The following CMTM4 variants were observed in gnomAD, a reference collection of about 807,000 sequenced individuals.
CMTM4 encodes CKLF like MARVEL transmembrane domain containing 4, also known as CKLF-like MARVEL transmembrane domain-containing protein 4.
Under a neutral mutation model 19.0 loss-of-function variants are expected in CMTM4, and 8 were observed. The observed-to-expected ratio is 0.42, with a 90% CI of 0.25 to 0.76. The LOEUF is 0.76. Among genes scored for constraint, CMTM4 ranks in the 30% least tolerant of loss-of-function variants. The pLI, the probability that CMTM4 is intolerant of heterozygous loss-of-function variation, is 0.27. For synonymous variants in CMTM4, 106 were observed against 121.1 expected (o/e 0.88, Z 0.82); for missense variants, 228 against 290.2 (o/e 0.79, Z 1.56).
chr16:66,604,667 G>A, the CMTM4 span: 3 of 607,530 alleles, frequency 4.9e-6, no homozygotes, highest in African/African-American at 1.9e-5. Flanking sequence ...GGGGCGGGGC[G>A]GGGCGTGGCG....
rs182011839 is a variant in CMTM4 at position 66,633,369 on chromosome 16, G to A, written c.363+3036C>T. Among the ~76,000 whole-genome samples, 578 of 151,964 alleles carry A rather than the reference G, an allele frequency of 3.8e-3. 3 individuals carry two copies. The highest frequency in any genetic ancestry group is 5.7e-3 in the Non-Finnish European group (387 of 67,982). ...TAACCATCAGGCTGGCTCTGCTGGA[G>A]ACAAAAATACTCCCAATACTCCCAC... On this transcript the variant is annotated intron_variant, in intron 2 of 3. Transcript: ENST00000394106.
the CMTM4 span, among the ~76,000 whole-genome samples, chr16:66,606,005 G>A: frequency 3.9e-5 from 6 of 151,912 alleles, no homozygotes; most frequent in African/African-American, 1.5e-4. Context: ...CGAATCCACC[G>A]TCCCCAGAGT....
the CMTM4 span, among the ~76,000 whole-genome samples, chr16:66,606,289 G>GA: frequency 6.6e-6 from 1 of 152,100 alleles, no homozygotes. Context: ...ATCGCGGGAT[G>GA]AAAAAACAGG....
intron 1 of CMTM4, among the ~76,000 whole-genome samples, chr16:66,664,518 A>AG (rs2016556897): frequency 6.6e-6 from 1 of 152,168 alleles, no homozygotes; most frequent in Non-Finnish European, 1.5e-5. Context: ...ACAAAGTAGG[A>AG]GGGTAAAGGG....
intron 2 of CMTM4, among the ~76,000 whole-genome samples, chr16:66,633,102 A>AATATATATATAAATATATATATAT (rs2015909372): frequency 1.0e-5 from 1 of 97,436 alleles, no homozygotes; most frequent in African/African-American, 4.7e-5. Flanking sequence ...TATATATATA[A>AATATATATATAAATATATATATAT]ATATATATAT....
chr16:66,605,013 ACGTC>A, the CMTM4 span: 1 of 1,356,760 alleles, frequency 7.4e-7, no homozygotes, highest in Non-Finnish European at 9.5e-7. The surrounding 1 kb of genome is among the most constrained non-coding windows in gnomAD (Gnocchi z 4.6). Flanking sequence ...TCGGAGGAGG[ACGTC>A]GGGGCGCGGG....
At chr16:66,646,116 GAGAA>G (rs1422296468) in intron 1 of CMTM4, among the ~76,000 whole-genome samples, 3 of 152,166 alleles carry the variant, frequency 2.0e-5, no homozygotes, top group Admixed American at 6.5e-5. Context: ...GGGATACTTA[GAGAA>G]AGAACAGAGT....
At chr16:66,612,231 G>A (rs1004743195), downstream of CMTM4, among the ~76,000 whole-genome samples, 47 of 152,084 alleles carry the variant, frequency 3.1e-4, no homozygotes, top group African/African-American at 1.1e-3. This position sits in a 1 kb window ranked among gnomAD's most constrained non-coding sequence, Gnocchi z 6.0. Flanking sequence ...CCTGGTGAAA[G>A]CCCATCTCTA....
intron 1 of CMTM4, among the ~76,000 whole-genome samples, chr16:66,694,691 C>T (rs202130930): frequency 6.1e-5 from 8 of 131,856 alleles, no homozygotes; most frequent in Non-Finnish European, 9.3e-5. Context: ...CCAGCCTGGG[C>T]GACAGAGCTA....
At chr16:66,693,934 G>C (rs2017182517) in intron 1 of CMTM4, among the ~76,000 whole-genome samples, 1 of 151,866 alleles carries the variant, frequency 6.6e-6, no homozygotes, top group Non-Finnish European at 1.5e-5. Context: ...AGGTGGGTGG[G>C]TCTCTTGAGC....
rs575779216 is a variant in CMTM4, at chr16:66,690,080, A to C, written c.186+6260T>G. ...TTTATTTGACTCCAAGTCCTTGATC[A>C]GGAAGACAACTCCTAAAGATAACAA... On this transcript the variant is annotated intron_variant, in intron 1 of 3. Coordinates refer to ENST00000394106, the MANE Select transcript of CMTM4 (RefSeq NM_181521.3). 2.0e-5 allele frequency among the ~76,000 whole-genome samples: 3 copies of C among 152,326 alleles called. No individual in the cohort carries two copies. In the South Asian group the frequency reaches 6.2e-4, roughly 32 times the overall value.
At chr16:66,656,874 C>T (rs1477907618) in intron 1 of CMTM4, among the ~76,000 whole-genome samples, 1 of 152,098 alleles carries the variant, frequency 6.6e-6, no homozygotes, top group Admixed American at 6.6e-5. Context: ...GGACAATCTA[C>T]AAAATAACTC....
In CMTM4 at chr16:66,688,704, G is replaced by A. The variant is rs993098658; in HGVS notation, c.186+7636C>T. Among the ~76,000 whole-genome samples, 6 of 152,236 alleles carry A rather than the reference G, an allele frequency of 3.9e-5. No individual in the cohort carries two copies. The East Asian group carries it at 7.7e-4, about 20-fold the overall frequency. On this transcript the variant is annotated intron_variant, in intron 1 of 3. Transcript: ENST00000394106. Reference sequence around the variant, plus strand: ...AAAACCTTGCTAGGATTTTGGGATCGTATTAAACCTATAGATCATTTGTGG... The same window carrying A: ...AAAACCTTGCTAGGATTTTGGGATCATATTAAACCTATAGATCATTTGTGG...
intron 1 of CMTM4, among the ~76,000 whole-genome samples, chr16:66,683,172 T>TATGTAG (rs2016960092): frequency 1.2e-5 from 1 of 83,292 alleles, no homozygotes; most frequent in Non-Finnish European, 2.5e-5. Context: ...TATATATATA[T>TATGTAG]ATACATATGT....
At chr16:66,631,056 G>A (rs1413669524) in intron 2 of CMTM4, among the ~76,000 whole-genome samples, 8 of 150,100 alleles carry the variant, frequency 5.3e-5, no homozygotes, top group South Asian at 2.1e-4. Flanking sequence ...GAGCCCCTCC[G>A]CCCGGCGGCC....
chr16:66,609,927 C>T (rs1032857807), downstream of CMTM4: 13 of 1,614,174 alleles, frequency 8.1e-6, no homozygotes, highest in Non-Finnish European at 1.0e-5. The surrounding 1 kb of genome is among the most constrained non-coding windows in gnomAD (Gnocchi z 4.4). Context: ...CTGATTTCTA[C>T]CTGATCTTTA....
rs1052503777 is a variant in CMTM4 at position 66,622,892 on chromosome 16, G to A, written c.462+512C>T. 6.6e-5 allele frequency among the ~76,000 whole-genome samples: 10 copies of A among 152,300 alleles called. No homozygotes were observed. Among genetic ancestry groups the A allele is most frequent in the African/African-American group, 2.4e-4 (10 of 41,564 alleles). On this transcript the variant is annotated intron_variant, in intron 3 of 3. Coordinates refer to ENST00000394106, the MANE Select transcript of CMTM4 (RefSeq NM_181521.3). The surrounding 1 kb of genome is among the most constrained non-coding windows in gnomAD (Gnocchi z 4.0). ...CTTTTAATCCCCCCATTACAAAAAGGATAACTGTTCCTCATAAACTGAGAA... is the reference window on the plus strand; with the variant it reads ...CTTTTAATCCCCCCATTACAAAAAGAATAACTGTTCCTCATAAACTGAGAA...
chr16:66,680,473 C>T (rs1382813214), intron 1 of CMTM4, among the ~76,000 whole-genome samples: 20 of 140,886 alleles, frequency 1.4e-4, no homozygotes, highest in African/African-American at 5.1e-4. Context: ...AGTGAGACTC[C>T]ATCTCAAAAA....
chr16:66,674,589 G>C (rs1313579889), intron 1 of CMTM4, among the ~76,000 whole-genome samples: 1 of 152,116 alleles, frequency 6.6e-6, no homozygotes, highest in Non-Finnish European at 1.5e-5. Flanking sequence ...TTAGGTTCAA[G>C]TGGAATTTCA....
Sources: allele counts gnomAD v4.1 joint callset (sites outside exome capture counted in the v4.1 genomes callset), GRCh38; gene constraint gnomAD v4.1.1; non-coding constraint Gnocchi (gnomAD v3.1); transcripts MANE v1.5; gene names NCBI Gene and HGNC (gene_info 2026-07-23, HGNC 2026-07-21).